GMPS: variants seen among roughly 807,000 people sequenced by gnomAD.
GMPS encodes guanosine monophosphate synthase.
A neutral mutation model predicts 77.9 loss-of-function variants in GMPS; 15 were observed. That is an observed-to-expected ratio of 0.19 (90% CI 0.13 to 0.30). The LOEUF (loss-of-function observed/expected upper bound fraction) is 0.30. GMPS is among the 10% of genes least tolerant of loss of function. GMPS has a pLI of 1.00. For synonymous variants in GMPS, 224 were observed against 275.9 expected (o/e 0.81, Z 1.86); for missense variants, 590 against 838.8 (o/e 0.70, Z 3.66).
At chr3:155,871,928 G>A (rs1753916084) in intron 1 of GMPS, among the ~76,000 whole-genome samples, 1 of 152,232 alleles carries the variant, frequency 6.6e-6, no homozygotes, top group East Asian at 1.9e-4. Flanking sequence ...TCATTGGCCT[G>A]GAGTTCTTTC....
Position 155,922,226 on chromosome 3 carries a change from C to G in GMPS, c.1358C>G (p.Pro453Arg). ...ATCAGAGTAATATGTGCTGAAGAACCTTATATTTGTAAGGACTTTCCTGAA... is the reference window on the plus strand; with the variant it reads ...ATCAGAGTAATATGTGCTGAAGAACGTTATATTTGTAAGGACTTTCCTGAA... ...LAIRVICAEE[P>R]YICKDFPETN... Residue 453 changes from proline to arginine, a missense_variant, in exon 11 of 16, where the codon CCT becomes CGT. By Grantham distance (103) the Pro-to-Arg change is moderately radical. Around this residue, in one of 6 missense-constraint regions of GMPS, gnomAD observed 64 missense variants for 114.5 expected, o/e 0.56. Transcript: ENST00000496455. 6.4e-7 allele frequency: 1 copy of G among 1,567,288 alleles called. No individual in the cohort carries two copies. Among genetic ancestry groups the G allele is most frequent in the Non-Finnish European group, 8.7e-7 (1 of 1,155,412 alleles).
chr3:155,891,514 C>T (rs543418948), intron 1 of GMPS, among the ~76,000 whole-genome samples: 1 of 151,874 alleles, frequency 6.6e-6, no homozygotes, highest in South Asian at 2.1e-4. Flanking sequence ...TGACCAGAAC[C>T]TTCATTTCTA....
In GMPS at chr3:155,900,224, C is replaced by T. The variant is rs918838421; in HGVS notation, c.324+2183C>T. Among the ~76,000 whole-genome samples the T allele has an allele frequency of 2.6e-5, 4 of 152,160 alleles. No homozygotes were observed. In the South Asian group the frequency reaches 8.3e-4, roughly 32 times the overall value. On this transcript the variant is annotated intron_variant, in intron 3 of 15. Transcript: ENST00000496455. ...AGTGGGTGTACAATTTTGCATTTTA[C>T]AGTAAAAGCCTCTTCTTTCCTTTCA...
chr3:155,874,103 ATAGGTGATCAGC>A (rs1753972057), intron 1 of GMPS, among the ~76,000 whole-genome samples: 1 of 152,196 alleles, frequency 6.6e-6, no homozygotes, highest in Non-Finnish European at 1.5e-5. Flanking sequence ...TCCTCACAGC[ATAGGTGATCAGC>A]TTTTCTTTAA....
chr3:155,903,786 TA>T (rs1754791782), intron 3 of GMPS, 76 bp from the exon 4 acceptor site: 3 of 598,106 alleles, frequency 5.0e-6, no homozygotes, highest in Middle Eastern at 6.7e-4. Flanking sequence ...AGAAATAATA[TA>T]AATTATTAAA....
intron 4 of GMPS, among the ~76,000 whole-genome samples, chr3:155,904,224 G>A (rs1754810672): frequency 6.6e-6 from 1 of 151,986 alleles, no homozygotes; most frequent in South Asian, 2.1e-4. Context: ...ATCGTATATT[G>A]TGATACCAAC....
At position 155,870,794 on chromosome 3, in the gene GMPS, G is replaced by GA; in HGVS notation, c.-77_-76insA. 1 of 997,100 alleles carries GA rather than the reference G, an allele frequency of 1.0e-6. No individual in the cohort carries two copies. Among genetic ancestry groups the GA allele is most frequent in the Non-Finnish European group, 1.5e-6 (1 of 673,042 alleles). 61.8% of individuals were successfully genotyped at this position (997,100 alleles called of 1,614,324 possible). A position where few individuals can be genotyped will look rare whatever the true frequency, so the allele number is the denominator to read the frequency against. On this transcript the variant is annotated 5_prime_UTR_variant, in exon 1 of 16. Transcript: ENST00000496455. ...GGCCTCCTTCTCAACCTCAGCCCGC[G>GA]GCGCCGACCCTTCCGGCACCCTCCC...
intron 1 of GMPS, among the ~76,000 whole-genome samples, chr3:155,879,265 CTTT>C (rs370727242): frequency 8.2e-6 from 1 of 122,650 alleles, no homozygotes; most frequent in South Asian, 2.8e-4. Flanking sequence ...CTGCACTTGT[CTTT>C]TTTTTTTTTT....
At chr3:155,908,638 A>C (rs1754956695) in intron 5 of GMPS, among the ~76,000 whole-genome samples, 1 of 152,170 alleles carries the variant, frequency 6.6e-6, no homozygotes, top group Non-Finnish European at 1.5e-5. Context: ...GTTAGATTGA[A>C]TATGGAGTGG....
chr3:155,928,282 C>T (rs1755508481), intron 12 of GMPS, among the ~76,000 whole-genome samples: 1 of 150,876 alleles, frequency 6.6e-6, no homozygotes, highest in Admixed American at 6.6e-5. Context: ...CCGCCTCGGC[C>T]TCCCAAAAGT....
intron 11 of GMPS, among the ~76,000 whole-genome samples, chr3:155,922,696 G>A (rs1755347053): frequency 6.6e-6 from 1 of 152,154 alleles, no homozygotes; most frequent in Non-Finnish European, 1.5e-5. Flanking sequence ...TTCATGTACA[G>A]GTGTCTGAGT....
intron 3 of GMPS, among the ~76,000 whole-genome samples, chr3:155,901,681 C>T (rs1177634736): frequency 6.6e-6 from 1 of 151,582 alleles, no homozygotes; most frequent in African/African-American, 2.4e-5. Context: ...TTCTTATCTG[C>T]AAAGGTATTA....
intron 4 of GMPS, among the ~76,000 whole-genome samples, chr3:155,905,361 A>G (rs996778236): frequency 6.6e-5 from 10 of 152,270 alleles, no homozygotes; most frequent in African/African-American, 2.4e-4. Context: ...TAAACAGTAT[A>G]TTTTTATGGT....
chr3:155,889,475 T>C (rs1754414285), intron 1 of GMPS, among the ~76,000 whole-genome samples: 1 of 152,192 alleles, frequency 6.6e-6, no homozygotes, highest in South Asian at 2.1e-4. Context: ...GCCTTCTGGG[T>C]CGTACCTCTT....
intron 4 of GMPS, among the ~76,000 whole-genome samples, chr3:155,905,077 A>G (rs1189254414): frequency 1.3e-5 from 2 of 151,722 alleles, no homozygotes; most frequent in Admixed American, 6.6e-5. Context: ...GCTGGAGTGC[A>G]GTGGCAAGAT....
At chr3:155,916,521 G>A (rs1755183701) in intron 9 of GMPS, among the ~76,000 whole-genome samples, 1 of 152,150 alleles carries the variant, frequency 6.6e-6, no homozygotes, top group South Asian at 2.1e-4. Context: ...GGTACAATAT[G>A]TGGTCTTTTA....
chr3:155,877,683 C>T (rs1341168201), intron 1 of GMPS, among the ~76,000 whole-genome samples: 1 of 152,076 alleles, frequency 6.6e-6, no homozygotes, highest in Non-Finnish European at 1.5e-5. Context: ...AAAAATTTCT[C>T]ACAATTCTGA....
At chr3:155,883,340 G>T (rs1170904680) in intron 1 of GMPS, among the ~76,000 whole-genome samples, 1 of 152,078 alleles carries the variant, frequency 6.6e-6, no homozygotes, top group African/African-American at 2.4e-5. Flanking sequence ...CTTCCAAAGT[G>T]CTAGGATTAC....
At chr3:155,921,059 C>T (rs1289949561) in intron 10 of GMPS, among the ~76,000 whole-genome samples, 2 of 152,062 alleles carry the variant, frequency 1.3e-5, no homozygotes, top group African/African-American at 4.8e-5. Context: ...CTGGCCAACG[C>T]GGTGAAACCC....
Sources: gnomAD v4.1 joint callset for allele counts (sites outside exome capture counted in the v4.1 genomes callset) on GRCh38, gnomAD v4.1.1 for gene constraint, gnomAD v4.1.1 regional missense constraint, MANE v1.5 for transcripts, NCBI Gene and HGNC (gene_info 2026-07-23, HGNC 2026-07-21) for gene names.